Variants in PRDX3 observed in about 807,000 individuals in gnomAD.
PRDX3 encodes peroxiredoxin 3.
A neutral mutation model predicts 30.4 loss-of-function variants in PRDX3; 20 were observed. The observed-to-expected ratio is 0.66, with a 90% CI of 0.46 to 0.96. PRDX3 has a LOEUF of 0.96. Ranked by LOEUF, PRDX3 falls within the 40% of genes least tolerant of loss-of-function variation. PRDX3 has a pLI of 0.00. For synonymous variants in PRDX3, 124 were observed against 117.8 expected, an observed-to-expected ratio of 1.05 and a Z score of -0.34; for missense variants, 322 against 318.3, an observed-to-expected ratio of 1.01 and a Z score of -0.09.
At chr10:119,177,181 G>A (rs2133666073) in intron 1 of PRDX3, 28 bp from the exon 2 acceptor site, 1 of 1,610,742 alleles carries the variant, frequency 6.2e-7, no homozygotes, top group East Asian at 2.2e-5. Flanking sequence ...TTATTAGAAA[G>A]TTTTCCTGGA....
intron 3 of PRDX3, 81 bp from the exon 4 acceptor site, chr10:119,173,953 A>G: frequency 6.8e-7 from 1 of 1,471,186 alleles, no homozygotes; most frequent in Non-Finnish European, 9.3e-7. Flanking sequence ...AACTAGTTCA[A>G]CTTGCTAAGG....
rs1001013551 is a variant in PRDX3 at position 119,172,476 on chromosome 10, A to C, written c.457T>G (p.Leu153Val). 1 of 1,613,654 alleles carries C rather than the reference A, an allele frequency of 6.2e-7. No homozygotes were observed. Among genetic ancestry groups the C allele is most frequent in the African/African-American group, 1.3e-5 (1 of 75,048 alleles). ...WINTPRKNGGLGHMNIALLSD... is the reference protein window; with the variant it reads ...WINTPRKNGGVGHMNIALLSD... ...AAGAGTGCGATGTTCATGTGGCCCA[A>C]ACCACCATTCTAATCAAAATGCAAA... is the stretch of plus-strand genomic sequence containing the variant. Residue 153 changes from leucine to valine, a missense_variant, in exon 5 of 7, where the codon TTG becomes GTG. Coordinates refer to ENST00000298510, the MANE Select transcript of PRDX3 (RefSeq NM_006793.5).
At chr10:119,173,609 CAAAAAAAAAAA>C in intron 4 of PRDX3, 117 bp downstream of exon 4, 1 of 958,174 alleles carries the variant, frequency 1.0e-6, no homozygotes, top group East Asian at 3.1e-5. Context: ...AGCTCCGTCT[CAAAAAAAAAAA>C]AAAAAAAAAA....
Position 119,168,313 on chromosome 10 carries a change from A to G in PRDX3, c.*167T>C. 7.2e-7 allele frequency: 1 copy of G among 1,381,212 alleles called. No homozygotes were observed. The allele number at this position is 1,381,212 out of a possible 1,614,324, so 85.6% of individuals were successfully genotyped here. On this transcript the variant is annotated 3_prime_UTR_variant, in exon 7 of 7. Coordinates refer to ENST00000298510, the MANE Select transcript of PRDX3 (RefSeq NM_006793.5). ...TTGTACTAGCAACTAACCATGTTTA[A>G]AAGGTCTTAGCCAGAATTACAAAAA... is the stretch of plus-strand genomic sequence containing the variant.
At chr10:119,168,640 A>G (rs1198381888) in intron 6 of PRDX3, 107 bp from the exon 7 acceptor site, 2 of 1,519,694 alleles carry the variant, frequency 1.3e-6, no homozygotes, top group East Asian at 2.4e-5. Flanking sequence ...TTAAACTTTT[A>G]AAGATTTCCT....
intron 1 of PRDX3, 45 bp from the exon 2 acceptor site, chr10:119,177,198 A>G (rs1341361432): frequency 6.2e-7 from 1 of 1,603,898 alleles, no homozygotes; most frequent in South Asian, 1.1e-5. Flanking sequence ...TGGACTGGTG[A>G]CTGAAGGCTG....
chr10:119,172,447 T>C lies in PRDX3; in HGVS notation c.486A>G (p.Ser162=). ...GLGHMNIALL[S]DLTKQISRDY... Reference sequence around the variant, plus strand: ...CTCGGGAAATCTGCTTAGTTAAGTCTGACAAGAGTGCGATGTTCATGTGGC... The same window carrying C: ...CTCGGGAAATCTGCTTAGTTAAGTCCGACAAGAGTGCGATGTTCATGTGGC... Residue 162 remains serine, a synonymous_variant, in exon 5 of 7, where the codon TCA becomes TCG. Coordinates refer to ENST00000298510, the MANE Select transcript of PRDX3 (RefSeq NM_006793.5). The C allele has an allele frequency of 6.2e-7, 1 of 1,614,206 alleles. No individual in the cohort carries two copies. The highest frequency in any genetic ancestry group is 8.5e-7 in the Non-Finnish European group (1 of 1,180,004).
At chr10:119,176,100 T>C (rs1848019530) in intron 2 of PRDX3, among the ~76,000 whole-genome samples, 2 of 152,050 alleles carry the variant, frequency 1.3e-5, no homozygotes, top group Non-Finnish European at 2.9e-5. Flanking sequence ...TCAGTGATCT[T>C]AGACGTATTG....
chr10:119,171,142 G>A (rs371202078), intron 5 of PRDX3, among the ~76,000 whole-genome samples: 6 of 151,804 alleles, frequency 4.0e-5, no homozygotes, highest in Non-Finnish European at 7.4e-5. Flanking sequence ...CCAGGTTCAC[G>A]CCATTCTCCT....
In PRDX3 at chr10:119,175,823, G is replaced by T. The variant is rs1028074077; in HGVS notation, c.169+1198C>A. Among the ~76,000 whole-genome samples, 3 of 150,180 alleles carry T rather than the reference G, an allele frequency of 2.0e-5. 1 individual carries two copies. The highest frequency in any genetic ancestry group is 7.4e-5 in the African/African-American group (3 of 40,746). ...AGACAGAGTTTCGCTCTGTCACCTA[G>T]GCTGGAGTGTAGTGGCATGGTCTCG... is the stretch of plus-strand genomic sequence containing the variant. On this transcript the variant is annotated intron_variant, in intron 2 of 6. Coordinates refer to ENST00000298510, the MANE Select transcript of PRDX3 (RefSeq NM_006793.5).
chr10:119,175,346 G>C (rs1219513222), intron 2 of PRDX3, among the ~76,000 whole-genome samples: 1 of 152,202 alleles, frequency 6.6e-6, no homozygotes, highest in Non-Finnish European at 1.5e-5. Context: ...ATGGTTGAAG[G>C]CCATGTTGCA....
intron 4 of PRDX3, 78 bp downstream of exon 4, chr10:119,173,659 A>T: frequency 6.8e-7 from 1 of 1,476,758 alleles, no homozygotes. Context: ...TGATCTTGAT[A>T]GTCCAGCAGC....
chr10:119,176,283 C>A (rs1848025472), intron 2 of PRDX3, among the ~76,000 whole-genome samples: 2 of 152,198 alleles, frequency 1.3e-5, no homozygotes, highest in African/African-American at 4.8e-5. Context: ...GATTCGAAAC[C>A]AGTGGAGTAA....
At position 119,177,112 on chromosome 10, in the gene PRDX3, G is replaced by A; in HGVS notation, c.78C>T (p.Ala26=). The A allele has an allele frequency of 1.2e-6, 2 of 1,613,630 alleles. No homozygotes were observed. Among genetic ancestry groups the A allele is most frequent in the South Asian group, 2.2e-5 (2 of 91,064 alleles). The change falls in exon 2 of 7, where the codon GCC becomes GCT. Residue 26 remains alanine (A), a synonymous_variant. Coordinates refer to ENST00000298510, the MANE Select transcript of PRDX3 (RefSeq NM_006793.5). The stretch of plus-strand genomic sequence containing the variant: ...ATGCAGCAGGCCTGAGGGCTGCAGT[G>A]GCAGAAATGCCCCAAGGAATGGCAC... ...HVSAIPWGIS[A]TAALRPAACG...
chr10:119,172,563 C>G (rs897777810), intron 4 of PRDX3, 78 bp from the exon 5 acceptor site: 13 of 1,165,944 alleles, frequency 1.1e-5, no homozygotes, highest in Middle Eastern at 1.9e-4. Context: ...TGTTTGAGAC[C>G]AACAGTAACG....
intron 6 of PRDX3, 95 bp from the exon 7 acceptor site, chr10:119,168,628 C>T: frequency 1.9e-6 from 3 of 1,540,086 alleles, no homozygotes; most frequent in Non-Finnish European, 1.7e-6. Context: ...ACCTAAAGTT[C>T]TTTAAACTTT....
intron 4 of PRDX3, among the ~76,000 whole-genome samples, chr10:119,173,518 A>C (rs1847958634): frequency 6.6e-6 from 1 of 151,924 alleles, no homozygotes; most frequent in Non-Finnish European, 1.5e-5. Context: ...CTGAGGTAGG[A>C]GAATCGCTTG....
Position 119,171,245 on chromosome 10 carries a change from T to C in PRDX3, c.551+1137A>G, listed in dbSNP as rs367918747. On this transcript the variant is annotated intron_variant, in intron 5 of 6. Coordinates refer to ENST00000298510, the MANE Select transcript of PRDX3 (RefSeq NM_006793.5). Reference sequence around the variant, plus strand: ...TTAGTAGAGACGGGGTTTCACCATGTTGACCAGGATGGTCTCGATCTCTTG... The same window carrying C: ...TTAGTAGAGACGGGGTTTCACCATGCTGACCAGGATGGTCTCGATCTCTTG... Among the ~76,000 whole-genome samples the C allele has an allele frequency of 3.5e-4, 53 of 152,240 alleles. No individual in the cohort carries two copies. The South Asian group carries it at 0.011, about 31-fold the overall frequency.
At chr10:119,177,196 T>G (rs1300205034) in intron 1 of PRDX3, 43 bp from the exon 2 acceptor site, 2 of 1,605,062 alleles carry the variant, frequency 1.2e-6, no homozygotes, top group Admixed American at 3.3e-5. Context: ...CCTGGACTGG[T>G]GACTGAAGGC....
Sources: allele counts gnomAD v4.1 joint callset (sites outside exome capture counted in the v4.1 genomes callset), GRCh38; gene constraint gnomAD v4.1.1; transcripts MANE v1.5; gene names NCBI Gene and HGNC (gene_info 2026-07-23, HGNC 2026-07-21).